Variants in CUL1 observed in about 807,000 individuals in gnomAD.
CUL1 encodes the protein cullin-1.
In CUL1, 24 loss-of-function variants were observed where a neutral mutation model predicts 118.0. The ratio of observed to expected loss-of-function variants is 0.20; its 90% CI spans 0.15 to 0.29. The LOEUF is 0.29. Among genes scored for constraint, CUL1 ranks in the 10% least tolerant of loss-of-function variants. The probability of loss-of-function intolerance (pLI) is 1.00; values close to 1 mark genes in which losing one functional copy is unlikely to be tolerated. For synonymous variants in CUL1, 332 were observed against 340.4 expected (o/e 0.98, Z 0.27); for missense variants, 361 against 933.8 (o/e 0.39, Z 7.99).
chr7:148,788,522 C>A, intron 13 of CUL1, 35 bp from the exon 14 acceptor site: 1 of 1,365,104 alleles, frequency 7.3e-7, no homozygotes, highest in South Asian at 1.2e-5. Context: ...TATTTTTGTA[C>A]AAATTAATAA....
intron 1 of CUL1, among the ~76,000 whole-genome samples, chr7:148,717,792 G>A (rs961869213): frequency 2.0e-5 from 3 of 151,982 alleles, no homozygotes; most frequent in African/African-American, 7.3e-5. Flanking sequence ...TCTGAGAAAC[G>A]CTCAAAGCAC....
At chr7:148,775,071 G>C (rs1187668229) in intron 9 of CUL1, among the ~76,000 whole-genome samples, 2 of 152,192 alleles carry the variant, frequency 1.3e-5, no homozygotes, top group Non-Finnish European at 2.9e-5. Flanking sequence ...AGTTGAGTTA[G>C]AAATAATTAT....
At chr7:148,781,812 G>A (rs1800648284) in intron 9 of CUL1, among the ~76,000 whole-genome samples, 1 of 152,108 alleles carries the variant, frequency 6.6e-6, no homozygotes, top group African/African-American at 2.4e-5. Flanking sequence ...TCTAAGTGTG[G>A]ATCTGTAGCC....
intron 4 of CUL1, 78 bp from the exon 5 acceptor site, chr7:148,759,226 A>G (rs991430394): frequency 3.0e-6 from 4 of 1,347,388 alleles, no homozygotes; most frequent in Non-Finnish European, 4.2e-6. Context: ...GTAATTTGAG[A>G]TTTAGGTTAT....
At chr7:148,775,767 G>T (rs534998398) in intron 9 of CUL1, among the ~76,000 whole-genome samples, 3 of 150,756 alleles carry the variant, frequency 2.0e-5, no homozygotes, top group Non-Finnish European at 2.9e-5. Flanking sequence ...TGAGAAATTC[G>T]TATGACCTTG....
intron 7 of CUL1, among the ~76,000 whole-genome samples, chr7:148,763,155 A>T (rs1018209815): frequency 2.8e-4 from 42 of 152,132 alleles, no homozygotes; most frequent in Non-Finnish European, 4.9e-4. Context: ...TCAAAAAAAA[A>T]AATAAAAATA....
Position 148,787,177 on chromosome 7 carries a change from C to A in CUL1, c.1479+57C>A. 3 of 1,585,650 alleles carry A rather than the reference C, an allele frequency of 1.9e-6. No homozygotes were observed. The highest frequency in any genetic ancestry group is 1.7e-6 in the Non-Finnish European group (2 of 1,162,426). The stretch of plus-strand genomic sequence containing the variant: ...CTTCTGAGTCATTATTAAAACAGCT[C>A]TATGGCCGAGCGCGGTGGCTCATGC... On this transcript the variant is annotated intron_variant, in intron 13 of 21. Transcript: ENST00000325222. This position sits in a 1 kb window ranked among gnomAD's most constrained non-coding sequence, Gnocchi z 5.5.
chr7:148,793,558 G>C (rs1407993714), intron 17 of CUL1, among the ~76,000 whole-genome samples: 2 of 152,184 alleles, frequency 1.3e-5, no homozygotes, highest in East Asian at 3.9e-4. Flanking sequence ...ATGACTTTCT[G>C]TGCCTGCCTT....
chr7:148,760,273 T>G (rs1799790969), intron 6 of CUL1, 60 bp from the exon 7 acceptor site: 4 of 1,419,302 alleles, frequency 2.8e-6, no homozygotes, highest in Non-Finnish European at 1.9e-6. Context: ...CCTAAGTATA[T>G]TCTGTGAAAT....
chr7:148,773,107 A>G (rs1278030679), intron 9 of CUL1, among the ~76,000 whole-genome samples: 1 of 152,152 alleles, frequency 6.6e-6, no homozygotes, highest in Non-Finnish European at 1.5e-5. Flanking sequence ...TTTCAGAAAT[A>G]CCACTTAATA....
intron 2 of CUL1, among the ~76,000 whole-genome samples, chr7:148,740,634 TC>T (rs1222123332): frequency 6.6e-6 from 1 of 152,216 alleles, no homozygotes; most frequent in Non-Finnish European, 1.5e-5. Flanking sequence ...ATTGTGCCTC[TC>T]CTCCATTCAT....
chr7:148,733,124 T>C (rs1798819200), intron 2 of CUL1, among the ~76,000 whole-genome samples: 1 of 152,178 alleles, frequency 6.6e-6, no homozygotes, highest in South Asian at 2.1e-4. Context: ...TTCTCAGCAG[T>C]CTGACTCTAG....
intron 15 of CUL1, 70 bp downstream of exon 15, chr7:148,789,896 G>A: frequency 7.2e-7 from 1 of 1,397,890 alleles, no homozygotes; most frequent in Non-Finnish European, 1.0e-6. Flanking sequence ...CTTCACTGTG[G>A]AAGGGGACAG....
chr7:148,770,073 G>A (rs1366221072), intron 9 of CUL1, among the ~76,000 whole-genome samples: 2 of 152,176 alleles, frequency 1.3e-5, no homozygotes, highest in African/African-American at 4.8e-5. Context: ...AAATGCTGCC[G>A]ATTGACTTTG....
intron 2 of CUL1, among the ~76,000 whole-genome samples, chr7:148,744,401 TG>T (rs1799242528): frequency 2.4e-5 from 1 of 40,910 alleles, no homozygotes; most frequent in Admixed American, 2.9e-4. Context: ...TTCTGCAGTG[TG>T]TGTGTGTGTG....
chr7:148,723,299 T>G (rs1221210581), intron 1 of CUL1, among the ~76,000 whole-genome samples: 1 of 152,224 alleles, frequency 6.6e-6, no homozygotes, highest in African/African-American at 2.4e-5. Flanking sequence ...GGAACTGTGG[T>G]TCCCAGGATC....
chr7:148,759,034 C>T lies in CUL1; in HGVS notation c.484-270C>T, dbSNP rs550088006. ...CATCACAGACTCCTAAAAATCATTA[C>T]GGTTTTTAAACTTTTCCTATACTGT... On this transcript the variant is annotated intron_variant, in intron 4 of 21. Transcript: ENST00000325222. Among the ~76,000 whole-genome samples, 4 of 152,216 alleles carry T rather than the reference C, an allele frequency of 2.6e-5. No homozygotes were observed. The East Asian group carries it at 5.8e-4, about 22-fold the overall frequency.
intron 2 of CUL1, among the ~76,000 whole-genome samples, chr7:148,734,717 C>G (rs1468358150): frequency 6.6e-6 from 1 of 152,136 alleles, no homozygotes; most frequent in East Asian, 1.9e-4. Context: ...TGGGTGCTGG[C>G]TAGAGGAGAG....
intron 7 of CUL1, among the ~76,000 whole-genome samples, chr7:148,761,809 G>A (rs1236797599): frequency 2.6e-5 from 4 of 152,218 alleles, no homozygotes; most frequent in Non-Finnish European, 1.5e-5. Flanking sequence ...AGCTGTACTA[G>A]GACAATGGTC....
Sources: allele counts gnomAD v4.1 joint callset (sites outside exome capture counted in the v4.1 genomes callset), GRCh38; gene constraint gnomAD v4.1.1; non-coding constraint Gnocchi (gnomAD v3.1); transcripts MANE v1.5; gene names NCBI Gene and HGNC (gene_info 2026-07-23, HGNC 2026-07-21).